FCER2: variants seen among roughly 807,000 people sequenced by gnomAD.
FCER2 encodes the protein Fc epsilon receptor II.
In FCER2, 38 loss-of-function variants were observed where a neutral mutation model predicts 49.7. That is an observed-to-expected ratio of 0.76 (90% CI 0.59 to 1.00). The LOEUF (loss-of-function observed/expected upper bound fraction) is 1.00. Ranked by LOEUF, FCER2 falls within the 50% of genes least tolerant of loss-of-function variation. The probability of loss-of-function intolerance (pLI) is 0.00; values close to 1 mark genes in which losing one functional copy is unlikely to be tolerated. For missense variants in FCER2, 425 were observed against 419.5 expected, an observed-to-expected ratio of 1.01 and a Z score of -0.11; for synonymous variants, 163 against 164.6, an observed-to-expected ratio of 0.99 and a Z score of 0.07.
At chr19:7,690,134 TG>T in intron 10 of FCER2, 24 bp downstream of exon 10, 1 of 1,440,340 alleles carries the variant, frequency 6.9e-7, no homozygotes, top group African/African-American at 1.4e-5. Context: ...TCTCCTCCCC[TG>T]GATCCCAGAG....
chr19:7,697,540 C>A lies in FCER2; in HGVS notation c.240G>T (p.Ala80=). 1 of 1,613,866 alleles carries A rather than the reference C, an allele frequency of 6.2e-7. No homozygotes were observed. Among genetic ancestry groups the A allele is most frequent in the Non-Finnish European group, 8.5e-7 (1 of 1,179,814 alleles). ...NLESHHGDQM[A]QKSQSTQISQ... ...GGAGTCACTCACACTGGGATTTCTG[C>A]GCCATCTGGTCACCGTGGTGGCTTT... Residue 80 remains alanine, a synonymous_variant, in exon 5 of 11, where the codon GCG becomes GCT. Coordinates refer to ENST00000597921, the MANE Select transcript of FCER2 (RefSeq NM_001220500.2).
chr19:7,700,099 T>C (rs2033121589), intron 1 of FCER2: 1 of 323,370 alleles, frequency 3.1e-6, no homozygotes, highest in East Asian at 6.0e-5. Context: ...TCTTGACAAA[T>C]GGCTTAATTA....
chr19:7,689,325 G>A lies in FCER2; in HGVS notation c.834C>T (p.Gly278=), dbSNP rs142202660. Residue 278 remains glycine, a synonymous_variant, in exon 11 of 11, where the codon GGC becomes GGT. Transcript: ENST00000597921. ...WNDAFCDRKL[G]AWVCDRLATC... ...TGGCCAGCCGGTCGCACACCCAGGC[G>A]CCCAGCTTACGGTCGCAGAAGGCGT... 636 of 1,612,994 alleles carry A rather than the reference G, an allele frequency of 3.9e-4. 2 individuals are homozygous for A. The African/African-American group carries it at 7.5e-3, about 19-fold the overall frequency.
chr19:7,692,013 A>G (rs150061960), intron 8 of FCER2, among the ~76,000 whole-genome samples: 106,633 of 109,286 alleles, frequency 0.98, 52,002 homozygotes, highest in Admixed American at 0.98. Context: ...CAACACCATC[A>G]GCACGAATAC....
At chr19:7,700,044 C>T (rs2033120752) in intron 1 of FCER2, 199 bp from the exon 2 acceptor site, 1 of 523,772 alleles carries the variant, frequency 1.9e-6, no homozygotes. Flanking sequence ...TGGGGCACTC[C>T]AGAGCCCATC....
rs75301084 is a variant in FCER2, at chr19:7,698,840, G to C, written c.37C>G (p.Pro13Ala). The change falls in exon 3 of 11, where the codon CCC (proline) becomes GCC (alanine). Residue 13 changes from proline to alanine, a missense_variant. Coordinates refer to ENST00000597921, the MANE Select transcript of FCER2 (RefSeq NM_001220500.2). ...CCACGCCTGCAACACCGCCTCCTGG[G>C]AAGCTCCTCGATCTCTGCCGGGGGT... ...EGQYSEIEEL[P>A]RRRCCRRGTQ... 6.2e-7 allele frequency: 1 copy of C among 1,601,590 alleles called. No homozygotes were observed. The highest frequency in any genetic ancestry group is 8.5e-7 in the Non-Finnish European group (1 of 1,175,520).
chr19:7,690,345 G>C, intron 9 of FCER2, 61 bp downstream of exon 9: 2 of 1,596,146 alleles, frequency 1.3e-6, no homozygotes, highest in Non-Finnish European at 1.7e-6. Context: ...TGGGTAGAGT[G>C]GGGTGGGGGT....
intron 9 of FCER2, 46 bp downstream of exon 9, chr19:7,690,360 C>T: frequency 6.2e-7 from 1 of 1,608,138 alleles, no homozygotes; most frequent in Non-Finnish European, 8.5e-7. Flanking sequence ...GGGGGTCCCC[C>T]CACCCTCGCC....
Position 7,701,911 on chromosome 19 carries a change from ACCT to A in FCER2, c.-86+101_-86+103del, listed in dbSNP as rs568219014. 4.5e-5 allele frequency: 5 copies of A among 110,728 alleles called. No homozygotes were observed. The South Asian group carries it at 1.6e-3, about 36-fold the overall frequency. 6.9% of individuals were successfully genotyped at this position (110,728 alleles called of 1,614,324 possible). On this transcript the variant is annotated intron_variant, in intron 1 of 10. Transcript: ENST00000597921. ...CCACCACCTCCCTTCTCTGGTTGTG[ACCT>A]CCTGCTGGTCATCCCTTGAGGCTCA...
At chr19:7,699,505 T>TTTTTG in intron 2 of FCER2, 1 of 1,397,526 alleles carries the variant, frequency 7.2e-7, no homozygotes, top group Non-Finnish European at 9.4e-7. Context: ...TTTTCTTTTT[T>TTTTTG]TGTCAGGAGG....
intron 8 of FCER2, among the ~76,000 whole-genome samples, chr19:7,695,398 C>T (rs1035383316): frequency 2.0e-5 from 3 of 152,114 alleles, no homozygotes; most frequent in South Asian, 4.2e-4. Flanking sequence ...GAGAACCCAG[C>T]GAGGGTCAAC....
chr19:7,692,125 C>T (rs376704735), intron 8 of FCER2, among the ~76,000 whole-genome samples: 3 of 82,674 alleles, frequency 3.6e-5, no homozygotes, highest in African/African-American at 1.3e-4. Context: ...AACACATTCA[C>T]GTCCATCAAC....
chr19:7,689,471 A>G (rs778075952), intron 10 of FCER2, 41 bp from the exon 11 acceptor site: 1 of 1,340,230 alleles, frequency 7.5e-7, no homozygotes, highest in South Asian at 1.3e-5. Flanking sequence ...GGGCGGGGAG[A>G]AGGAGCCCAG....
At position 7,698,671 on chromosome 19, in the gene FCER2, G is replaced by C. The variant is rs2033081261; in HGVS notation, c.136+70C>G. ...GTTGGGCTCCCCCAGCTCTGAGATG[G>C]GGGTGAAGGAGGGAACACAGAAGGG... is the stretch of plus-strand genomic sequence containing the variant. On this transcript the variant is annotated intron_variant, in intron 3 of 10. Coordinates refer to ENST00000597921, the MANE Select transcript of FCER2 (RefSeq NM_001220500.2). 5.1e-6 allele frequency: 8 copies of C among 1,564,476 alleles called. No homozygotes were observed. In the East Asian group the frequency reaches 1.4e-4, roughly 28 times the overall value.
intron 8 of FCER2, among the ~76,000 whole-genome samples, chr19:7,691,011 C>G (rs545398044): frequency 1.1e-3 from 162 of 152,208 alleles, no homozygotes; most frequent in African/African-American, 3.8e-3. Context: ...AGCACCATGA[C>G]CACAAATGCA....
At chr19:7,690,661 G>A (rs942741058) in intron 8 of FCER2, 104 bp from the exon 9 acceptor site, 29 of 1,223,970 alleles carry the variant, frequency 2.4e-5, no homozygotes, top group South Asian at 4.3e-5. Flanking sequence ...CTGGGGTCCC[G>A]GCTAAAAGCA....
chr19:7,690,035 C>A, intron 10 of FCER2, 124 bp downstream of exon 10: 1 of 687,260 alleles, frequency 1.5e-6, no homozygotes, highest in South Asian at 1.8e-5. Flanking sequence ...CGTCCTTCTC[C>A]CCTGCACCCT....
chr19:7,697,444 G>A (rs2033045807), intron 5 of FCER2, 83 bp downstream of exon 5: 2 of 1,475,328 alleles, frequency 1.4e-6, no homozygotes, highest in African/African-American at 1.4e-5. Flanking sequence ...GGGGCACAGT[G>A]AGTCTTAATG....
chr19:7,697,897 A>G (rs1254596739), intron 4 of FCER2, among the ~76,000 whole-genome samples: 1 of 152,178 alleles, frequency 6.6e-6, no homozygotes, highest in Non-Finnish European at 1.5e-5. Flanking sequence ...AGATGAGGAA[A>G]TGGAGGCACA....
Sources: allele counts gnomAD v4.1 joint callset (sites outside exome capture counted in the v4.1 genomes callset), GRCh38; gene constraint gnomAD v4.1.1; transcripts MANE v1.5; gene names NCBI Gene and HGNC (gene_info 2026-07-23, HGNC 2026-07-21).